Variants in MTCL2 observed in about 807,000 individuals in gnomAD.
MTCL2 encodes microtubule crosslinking factor 2, also known as microtubule cross-linking factor 2.
chr20:36,797,011 G>T, the MTCL2 span: 1 of 1,505,838 alleles, frequency 6.6e-7, no homozygotes, highest in Non-Finnish European at 9.2e-7. Flanking sequence ...TAAGGGCATG[G>T]AACAAGAGAC....
chr20:36,827,698 T>C, the MTCL2 span, among the ~76,000 whole-genome samples: 103 of 152,210 alleles, frequency 6.8e-4, no homozygotes, highest in Middle Eastern at 3.4e-3. Context: ...AGAGGGGAAG[T>C]GGCTTCAGGG....
chr20:36,849,147 T>C, the MTCL2 span, among the ~76,000 whole-genome samples: 2 of 134,222 alleles, frequency 1.5e-5, no homozygotes, highest in African/African-American at 5.5e-5. Flanking sequence ...CTGCAACCTC[T>C]GCCTCTGGGG....
the MTCL2 span, among the ~76,000 whole-genome samples, chr20:36,788,144 T>G: frequency 7.1e-6 from 1 of 141,428 alleles, no homozygotes; most frequent in African/African-American, 2.7e-5. Context: ...GAGGTTGCAG[T>G]GAGCCGAGAT....
chr20:36,807,383 G>A, the MTCL2 span, among the ~76,000 whole-genome samples: 1 of 152,208 alleles, frequency 6.6e-6, no homozygotes, highest in Admixed American at 6.5e-5. Flanking sequence ...GGACTACAGA[G>A]AGCAGCCTGG....
the MTCL2 span, chr20:36,862,567 G>T: frequency 1.6e-6 from 2 of 1,267,164 alleles, no homozygotes; most frequent in Non-Finnish European, 2.1e-6. Context: ...GGATTGTTCA[G>T]TGGGAAGGAG....
At chr20:36,784,558 T>C in the MTCL2 span, 1 of 985,462 alleles carries the variant, frequency 1.0e-6, no homozygotes, top group Admixed American at 6.1e-5. Context: ...GTTTCCACTC[T>C]GGGTCCCCAG....
the MTCL2 span, chr20:36,794,162 T>C: frequency 6.4e-7 from 1 of 1,551,050 alleles, no homozygotes; most frequent in South Asian, 1.2e-5. This position sits in a 1 kb window ranked among gnomAD's most constrained non-coding sequence, Gnocchi z 5.4. Context: ...CCGTGAGAAG[T>C]TGCAGAGCCA....
chr20:36,793,694 A>C, the MTCL2 span: 1 of 1,548,622 alleles, frequency 6.5e-7, no homozygotes, highest in Non-Finnish European at 8.7e-7. The surrounding 1 kb of genome is among the most constrained non-coding windows in gnomAD (Gnocchi z 6.8). Context: ...GCCCTGGTGC[A>C]GGTTCCACAG....
chr20:36,824,800 G>A, the MTCL2 span, among the ~76,000 whole-genome samples: 1 of 151,806 alleles, frequency 6.6e-6, no homozygotes, highest in East Asian at 1.9e-4. Flanking sequence ...CCACAGGCTT[G>A]TGTCATCAGG....
At chr20:36,852,804 C>A in the MTCL2 span, among the ~76,000 whole-genome samples, 1 of 152,140 alleles carries the variant, frequency 6.6e-6, no homozygotes, top group Admixed American at 6.5e-5. Context: ...CACCTGTAAT[C>A]CCAGCACTTT....
chr20:36,807,865 C>CTTTTTTTT, the MTCL2 span, among the ~76,000 whole-genome samples: 2 of 53,510 alleles, frequency 3.7e-5, no homozygotes, highest in African/African-American at 7.1e-5. Context: ...GAAACCCTGT[C>CTTTTTTTT]TTTTTTTTTT....
the MTCL2 span, among the ~76,000 whole-genome samples, chr20:36,829,508 T>G: frequency 6.8e-6 from 1 of 146,862 alleles, no homozygotes; most frequent in Non-Finnish European, 1.5e-5. Context: ...TTCATTTACC[T>G]GAGGCTTTTT....
chr20:36,817,413 C>T, the MTCL2 span: 1 of 1,591,814 alleles, frequency 6.3e-7, no homozygotes, highest in African/African-American at 1.3e-5. Flanking sequence ...TTACCTGCAC[C>T]AAAGTCTTCT....
the MTCL2 span, among the ~76,000 whole-genome samples, chr20:36,844,609 G>C: frequency 6.6e-6 from 1 of 151,788 alleles, no homozygotes; most frequent in Non-Finnish European, 1.5e-5. Flanking sequence ...AGGATTGTTT[G>C]AGCCCAGGAG....
At chr20:36,859,806 G>A in the MTCL2 span, 1 of 1,231,696 alleles carries the variant, frequency 8.1e-7, no homozygotes, top group Non-Finnish European at 1.0e-6. Flanking sequence ...GGGATTTGGA[G>A]TCCTTTCCCT....
At chr20:36,813,008 C>A in the MTCL2 span, among the ~76,000 whole-genome samples, 1 of 152,204 alleles carries the variant, frequency 6.6e-6, no homozygotes, top group Non-Finnish European at 1.5e-5. Context: ...CCAGACCCAG[C>A]CCCAGCTGGG....
chr20:36,825,133 G>T, the MTCL2 span, among the ~76,000 whole-genome samples: 3 of 151,932 alleles, frequency 2.0e-5, no homozygotes, highest in Non-Finnish European at 2.9e-5. Flanking sequence ...AGTAGAAGTG[G>T]GGTTTCACCA....
the MTCL2 span, chr20:36,803,208 G>A: frequency 2.1e-6 from 3 of 1,459,126 alleles, no homozygotes; most frequent in Non-Finnish European, 1.8e-6. Flanking sequence ...AAGGGGAGAG[G>A]TCCCCTCAGA....
the MTCL2 span, chr20:36,797,469 C>T: frequency 7.1e-6 from 11 of 1,550,520 alleles, no homozygotes; most frequent in Non-Finnish European, 4.4e-6. Flanking sequence ...CAGCCAGGAG[C>T]CAAGATAGCA....
Sources: gnomAD v4.1 joint callset for allele counts (sites outside exome capture counted in the v4.1 genomes callset) on GRCh38, gnomAD v4.1.1 for gene constraint, Gnocchi (gnomAD v3.1) non-coding constraint, MANE v1.5 for transcripts, NCBI Gene and HGNC (gene_info 2026-07-23, HGNC 2026-07-21) for gene names.